CLTC: variants seen among roughly 807,000 people sequenced by gnomAD.
The protein encoded by CLTC is clathrin heavy chain 1.
In CLTC, 16 loss-of-function variants were observed where a neutral mutation model predicts 195.8. That is an observed-to-expected ratio of 0.08 (90% CI 0.06 to 0.12). CLTC has a LOEUF of 0.12. Ranked by LOEUF, CLTC falls within the 10% of genes least tolerant of loss-of-function variation. CLTC has a pLI of 1.00. For missense variants in CLTC, 796 were observed against 2,027.0 expected (o/e 0.39, Z 11.66); for synonymous variants, 667 against 689.4 (o/e 0.97, Z 0.51).
Position 59,667,128 on chromosome 17 carries a change from G to C in CLTC, c.2128+151G>C, listed in dbSNP as rs1422253768. The C allele has an allele frequency of 7.1e-6, 4 of 560,140 alleles. No homozygotes were observed. In the South Asian group the frequency reaches 7.5e-5, roughly 11 times the overall value. 34.7% of individuals were successfully genotyped at this position (560,140 alleles called of 1,614,324 possible). A position where few individuals can be genotyped will look rare whatever the true frequency, so the allele number is the denominator to read the frequency against. On this transcript the variant is annotated intron_variant, in intron 13 of 31. Coordinates refer to ENST00000269122, the MANE Select transcript of CLTC (RefSeq NM_004859.4). ...TTAAGTTTTATTCAATATATGTCAA[G>C]GCCCTTTTATGTTGGATTCTAAGGA...
At chr17:59,687,751 A>G (rs760481904) in intron 30 of CLTC, among the ~76,000 whole-genome samples, 10 of 152,216 alleles carry the variant, frequency 6.6e-5, no homozygotes, top group Non-Finnish European at 1.3e-4. Flanking sequence ...ACTTTCTGTA[A>G]TAAGGCATAC....
chr17:59,686,415 C>G (rs115251632), intron 30 of CLTC, among the ~76,000 whole-genome samples: 2,170 of 152,196 alleles, frequency 0.014, 43 homozygotes, highest in African/African-American at 0.049. Flanking sequence ...AGCTGTCTCT[C>G]TGTAGAACAT....
chr17:59,623,981 T>A (rs2031464536), intron 1 of CLTC, among the ~76,000 whole-genome samples: 1 of 152,246 alleles, frequency 6.6e-6, no homozygotes, highest in Non-Finnish European at 1.5e-5. Flanking sequence ...CCACTCATGT[T>A]TATGTATTTA....
At chr17:59,660,126 A>G (rs567387496) in intron 6 of CLTC, among the ~76,000 whole-genome samples, 3 of 152,202 alleles carry the variant, frequency 2.0e-5, no homozygotes, top group Non-Finnish European at 4.4e-5. Flanking sequence ...TAGTTTGGAC[A>G]ATGAAGTAAG....
intron 4 of CLTC, among the ~76,000 whole-genome samples, chr17:59,650,613 G>A (rs973534649): frequency 6.7e-5 from 10 of 150,326 alleles, no homozygotes; most frequent in Non-Finnish European, 1.3e-4. Flanking sequence ...TCAGCCTCCC[G>A]AGTATCAGCT....
chr17:59,641,999 GT>G (rs398031234), intron 1 of CLTC, among the ~76,000 whole-genome samples: 17,485 of 128,548 alleles, frequency 0.14, 1,057 homozygotes, highest in Middle Eastern at 0.17. Context: ...AATCTTTGTT[GT>G]TTTTTTTTTT....
rs2031307279 is a variant in CLTC at position 59,620,009 on chromosome 17, C to G, written c.-123C>G. On this transcript the variant is annotated 5_prime_UTR_variant, in exon 1 of 32. Transcript: ENST00000269122. ...TCTGCCTGCCAGTTTCCTGCGTCCC[C>G]GGAGAGGATCCTGCTGAGCCCAGCC... 1 of 813,124 alleles carries G rather than the reference C, an allele frequency of 1.2e-6. No individual in the cohort carries two copies. The highest frequency in any genetic ancestry group is 2.0e-6 in the Non-Finnish European group (1 of 499,884). The allele number at this position is 813,124 out of a possible 1,614,324, so 50.4% of individuals were successfully genotyped here. A position where few individuals can be genotyped will look rare whatever the true frequency, so the allele number is the denominator to read the frequency against.
At position 59,644,306 on chromosome 17, in the gene CLTC, A is replaced by G. The variant is rs757191984; in HGVS notation, c.73A>G (p.Ile25Val). ...GAACCTGGGTATCAACCCAGCAAACATTGGCTTCAGTACCCTGACTATGGA... is the reference window on the plus strand; with the variant it reads ...GAACCTGGGTATCAACCCAGCAAACGTTGGCTTCAGTACCCTGACTATGGA... Reference protein sequence around the residue: ...LQNLGINPANIGFSTLTMESD... With the variant: ...LQNLGINPANVGFSTLTMESD... Residue 25 changes from isoleucine (I) to valine (V), a missense_variant, in exon 2 of 32, where the codon ATT becomes GTT. Transcript: ENST00000269122. 1 of 1,614,082 alleles carries G rather than the reference A, an allele frequency of 6.2e-7. No homozygotes were observed.
intron 30 of CLTC, 94 bp from the exon 31 acceptor site, chr17:59,690,542 G>C: frequency 1.2e-6 from 1 of 800,362 alleles, no homozygotes; most frequent in Non-Finnish European, 2.1e-6. Flanking sequence ...TATTTTGACA[G>C]AATTTAACAT....
chr17:59,651,874 G>T (rs916365978), intron 5 of CLTC, among the ~76,000 whole-genome samples: 1 of 152,148 alleles, frequency 6.6e-6, no homozygotes, highest in East Asian at 1.9e-4. Context: ...TTTCACAAAA[G>T]ATTTCTCTGT....
At chr17:59,637,429 A>G (rs907185466) in intron 1 of CLTC, among the ~76,000 whole-genome samples, 31 of 151,210 alleles carry the variant, frequency 2.1e-4, no homozygotes, top group Non-Finnish European at 4.1e-4. Flanking sequence ...TATTTTTAGT[A>G]GAGACGGGGT....
At chr17:59,629,518 A>ATT (rs5821273) in intron 1 of CLTC, among the ~76,000 whole-genome samples, 78,091 of 125,982 alleles carry the variant, frequency 0.62, 26,461 homozygotes, top group Non-Finnish European at 0.76. Flanking sequence ...AGAGATCATA[A>ATT]TTTTTTTTTT....
At chr17:59,679,687 TTTG>T in intron 18 of CLTC, 168 bp downstream of exon 18, 1 of 406,806 alleles carries the variant, frequency 2.5e-6, no homozygotes, top group Non-Finnish European at 4.2e-6. Context: ...TTTACATTCA[TTTG>T]TATATAATGA....
At position 59,666,703 on chromosome 17, in the gene CLTC, ATG is replaced by A; in HGVS notation, c.1947+63_1947+64del. On this transcript the variant is annotated intron_variant, in intron 12 of 31. Transcript: ENST00000269122. This position sits in a 1 kb window ranked among gnomAD's most constrained non-coding sequence, Gnocchi z 4.9. ...GTTGTGATTAATAGGTACACTGAAA[ATG>A]TGTTTGTGGTACTAAATATTAATAA... 5.1e-6 allele frequency: 8 copies of A among 1,565,666 alleles called. No homozygotes were observed. The highest frequency in any genetic ancestry group is 1.2e-5 in the South Asian group (1 of 86,696).
At chr17:59,631,410 G>A (rs2143456523) in intron 1 of CLTC, among the ~76,000 whole-genome samples, 1 of 152,226 alleles carries the variant, frequency 6.6e-6, no homozygotes, top group African/African-American at 2.4e-5. Context: ...TATGATTATT[G>A]GGAAAACTAC....
At position 59,695,017 on chromosome 17, in the gene CLTC, A is replaced by T. The variant is rs1387108584; in HGVS notation, c.*1165A>T. 3 of 212,576 alleles carry T rather than the reference A, an allele frequency of 1.4e-5. No individual in the cohort carries two copies. The highest frequency in any genetic ancestry group is 5.8e-5 in the Admixed American group (1 of 17,108). 13.2% of individuals were successfully genotyped at this position (212,576 alleles called of 1,614,324 possible). ...CATTTAATCTGTCTCCAATATTTTA[A>T]CCAAGTGACACCGAGGTTTTTATCG... On this transcript the variant is annotated 3_prime_UTR_variant, in exon 32 of 32. Coordinates refer to ENST00000269122, the MANE Select transcript of CLTC (RefSeq NM_004859.4).
At chr17:59,691,512 T>C (rs892033863) in intron 31 of CLTC, among the ~76,000 whole-genome samples, 7 of 151,754 alleles carry the variant, frequency 4.6e-5, no homozygotes, top group Admixed American at 3.9e-4. Context: ...TAGTCCCAGC[T>C]ACTTGGGAGG....
In CLTC at chr17:59,683,610, A is replaced by G. The variant is rs959672176; in HGVS notation, c.4192-15A>G. ...TAGGAAGTAACTGACTTATGTATGG[A>G]TTTTCCCATTGTAGGTTGCCAATGT... On this transcript the variant is annotated splice_polypyrimidine_tract_variant and intron_variant, in intron 26 of 31. Coordinates refer to ENST00000269122, the MANE Select transcript of CLTC (RefSeq NM_004859.4). This position sits in a 1 kb window ranked among gnomAD's most constrained non-coding sequence, Gnocchi z 6.1. The G allele has an allele frequency of 3.7e-6, 6 of 1,613,838 alleles. No homozygotes were observed. Among genetic ancestry groups the G allele is most frequent in the Admixed American group, 1.7e-5 (1 of 60,010 alleles).
chr17:59,626,451 A>G (rs968137472), intron 1 of CLTC, among the ~76,000 whole-genome samples: 3 of 152,196 alleles, frequency 2.0e-5, no homozygotes, highest in Non-Finnish European at 4.4e-5. Context: ...TATTTGAAAA[A>G]AAAACTTAAT....
Sources: allele counts gnomAD v4.1 joint callset (sites outside exome capture counted in the v4.1 genomes callset), GRCh38; gene constraint gnomAD v4.1.1; non-coding constraint Gnocchi (gnomAD v3.1); transcripts MANE v1.5; gene names NCBI Gene and HGNC (gene_info 2026-07-23, HGNC 2026-07-21).